Variants in RFTN1 observed in about 807,000 individuals in gnomAD.
RFTN1 encodes the protein raftlin.
A neutral mutation model predicts 46.5 loss-of-function variants in RFTN1; 26 were observed. That is an observed-to-expected ratio of 0.56 (90% CI 0.41 to 0.78). The LOEUF (loss-of-function observed/expected upper bound fraction) is 0.78. Among genes scored for constraint, RFTN1 ranks in the 30% least tolerant of loss-of-function variants. The pLI is 0.00. For synonymous variants in RFTN1, 261 were observed against 284.2 expected (o/e 0.92, Z 0.82); for missense variants, 693 against 718.7 (o/e 0.96, Z 0.41).
Position 16,337,420 on chromosome 3 carries a change from T to G in RFTN1, c.1147-10544A>C, listed in dbSNP as rs572671412. ...CTAAGAACCAAATACCAGGCAAACC[T>G]CTAGGAGGAAAATTGTAATGAAAGT... On this transcript the variant is annotated intron_variant, in intron 7 of 9. Coordinates refer to ENST00000334133, the MANE Select transcript of RFTN1 (RefSeq NM_015150.2). This position sits in a 1 kb window ranked among gnomAD's most constrained non-coding sequence, Gnocchi z 5.0. 1.3e-5 allele frequency: 2 copies of G among 152,064 alleles called. No homozygotes were observed. The highest frequency in any genetic ancestry group is 2.9e-5 in the Non-Finnish European group (2 of 68,022). The allele number at this position is 152,064 out of a possible 1,614,324, so 9.4% of individuals were successfully genotyped here. A position where few individuals can be genotyped will look rare whatever the true frequency, so the allele number is the denominator to read the frequency against.
At chr3:16,493,188 T>A (rs751318773) in intron 2 of RFTN1, among the ~76,000 whole-genome samples, 1 of 152,098 alleles carries the variant, frequency 6.6e-6, no homozygotes, top group Non-Finnish European at 1.5e-5. Flanking sequence ...CCATATGTAT[T>A]GCTTGGCTCA....
At chr3:16,431,012 C>T (rs1003080090) in intron 3 of RFTN1, among the ~76,000 whole-genome samples, 1 of 152,218 alleles carries the variant, frequency 6.6e-6, no homozygotes, top group Non-Finnish European at 1.5e-5. Flanking sequence ...TGAAGACGGG[C>T]TTCCTCACCC....
rs1182337027 is a variant in RFTN1, at chr3:16,433,359, TG to T, written c.332+491del. 2.0e-5 allele frequency among the ~76,000 whole-genome samples: 3 copies of T among 152,124 alleles called. No homozygotes were observed. Among genetic ancestry groups the T allele is most frequent in the Admixed American group, 2.0e-4 (3 of 15,268 alleles). ...CAATTATAGCATTTTATTTAGGTGGTGTTTATTTTTTGTATTTTTTTAACTG... is the reference window on the plus strand; with the variant it reads ...CAATTATAGCATTTTATTTAGGTGGTTTTATTTTTTGTATTTTTTTAACTG... On this transcript the variant is annotated intron_variant, in intron 3 of 9. Coordinates refer to ENST00000334133, the MANE Select transcript of RFTN1 (RefSeq NM_015150.2). The surrounding 1 kb of genome is among the most constrained non-coding windows in gnomAD (Gnocchi z 4.4).
rs1235213592 is a variant in RFTN1, at chr3:16,346,882, C to T, written c.1146+11050G>A. On this transcript the variant is annotated intron_variant, in intron 7 of 9. Transcript: ENST00000334133. This position sits in a 1 kb window ranked among gnomAD's most constrained non-coding sequence, Gnocchi z 4.4. Reference sequence around the variant, plus strand: ...CAGAAAGATGGCAACATCTGGATCCCTGGTGGCATCTTTAAGCTGTTGACA... The same window carrying T: ...CAGAAAGATGGCAACATCTGGATCCTTGGTGGCATCTTTAAGCTGTTGACA... Among the ~76,000 whole-genome samples the T allele has an allele frequency of 6.6e-6, 1 of 152,170 alleles. No homozygotes were observed. The highest frequency in any genetic ancestry group is 1.9e-4 in the East Asian group (1 of 5,204).
chr3:16,497,469 A>G (rs2076644369), intron 1 of RFTN1, among the ~76,000 whole-genome samples: 1 of 152,222 alleles, frequency 6.6e-6, no homozygotes, highest in Non-Finnish European at 1.5e-5. Flanking sequence ...GGCTGGTGGC[A>G]GCTTCTAATG....
At chr3:16,470,022 G>C (rs1477922918) in intron 2 of RFTN1, among the ~76,000 whole-genome samples, 1 of 152,004 alleles carries the variant, frequency 6.6e-6, no homozygotes, top group Non-Finnish European at 1.5e-5. Flanking sequence ...AGTGAAAATT[G>C]AACCTAGATC....
Position 16,433,970 on chromosome 3 carries a change from C to G in RFTN1, c.213G>C (p.Glu71Asp), listed in dbSNP as rs764080100. The change falls in exon 3 of 10, where the codon GAG (glutamate) becomes GAC (aspartate). Residue 71 changes from glutamate to aspartate, a missense_variant. Physicochemically the swap from Glu to Asp is conservative, Grantham distance 45. Transcript: ENST00000334133. The surrounding 1 kb of genome is among the most constrained non-coding windows in gnomAD (Gnocchi z 4.4). ...CCAGCGAGAAGCCCTGCTGGTACAG[C>G]TCCAGGAGCTGGGCGGGCAGGTCAC... ...SLRDLPAQLL[E>D]LYQQGFSLAA... The G allele has an allele frequency of 2.5e-6, 4 of 1,613,824 alleles. No homozygotes were observed. The Middle Eastern group carries it at 5.0e-4, about 201-fold the overall frequency.
intron 3 of RFTN1, among the ~76,000 whole-genome samples, chr3:16,414,627 A>G (rs925271066): frequency 6.6e-6 from 1 of 152,000 alleles, no homozygotes; most frequent in African/African-American, 2.4e-5. Flanking sequence ...AGAAAAGAAA[A>G]GGAAAAAAGA....
At chr3:16,502,060 A>G (rs1409090517) in intron 1 of RFTN1, among the ~76,000 whole-genome samples, 16 of 152,350 alleles carry the variant, frequency 1.1e-4, no homozygotes, top group African/African-American at 3.8e-4. Flanking sequence ...ACTATGGGCT[A>G]CATTTTCAAG....
Position 16,361,782 on chromosome 3 carries a change from G to T in RFTN1, c.1031-3735C>A, listed in dbSNP as rs896270507. 6.6e-6 allele frequency among the ~76,000 whole-genome samples: 1 copy of T among 152,216 alleles called. No individual in the cohort carries two copies. Among genetic ancestry groups the T allele is most frequent in the Non-Finnish European group, 1.5e-5 (1 of 68,038 alleles). On this transcript the variant is annotated intron_variant, in intron 6 of 9. Coordinates refer to ENST00000334133, the MANE Select transcript of RFTN1 (RefSeq NM_015150.2). The surrounding 1 kb of genome is among the most constrained non-coding windows in gnomAD (Gnocchi z 4.3). ...ATGCAAGCAGAGACATAAAAAGCACGTGTGTGGTTGAACTTGGCCTCTTGT... is the reference window on the plus strand; with the variant it reads ...ATGCAAGCAGAGACATAAAAAGCACTTGTGTGGTTGAACTTGGCCTCTTGT...
At position 16,447,490 on chromosome 3, in the gene RFTN1, G is replaced by A. The variant is rs1182548074; in HGVS notation, c.146-13453C>T. Among the ~76,000 whole-genome samples the A allele has an allele frequency of 6.6e-6, 1 of 152,224 alleles. No homozygotes were observed. The highest frequency in any genetic ancestry group is 1.5e-5 in the Non-Finnish European group (1 of 68,034). ...TCTGGTCTATTTTTTGCCTATGTAA[G>A]AGATGGCATTTAGGATGCCTTGGGA... On this transcript the variant is annotated intron_variant, in intron 2 of 9. Coordinates refer to ENST00000334133, the MANE Select transcript of RFTN1 (RefSeq NM_015150.2). The surrounding 1 kb of genome is among the most constrained non-coding windows in gnomAD (Gnocchi z 5.9).
intron 1 of RFTN1, among the ~76,000 whole-genome samples, chr3:16,510,967 T>TA (rs1228924007): frequency 6.6e-6 from 1 of 151,894 alleles, no homozygotes; most frequent in African/African-American, 2.4e-5. Flanking sequence ...AAGTCAGCAA[T>TA]AAAAAAAGAC....
At position 16,361,834 on chromosome 3, in the gene RFTN1, T is replaced by C. The variant is rs1411486708; in HGVS notation, c.1031-3787A>G. ...TCTTGGCCATTACATTGAGAGGGCA[T>C]GCCCCAGTTAGCCAGTTGGTTCTAG... is the stretch of plus-strand genomic sequence containing the variant. On this transcript the variant is annotated intron_variant, in intron 6 of 9. Transcript: ENST00000334133. The surrounding 1 kb of genome is among the most constrained non-coding windows in gnomAD (Gnocchi z 4.3). Among the ~76,000 whole-genome samples, 1 of 152,196 alleles carries C rather than the reference T, an allele frequency of 6.6e-6. No homozygotes were observed. The highest frequency in any genetic ancestry group is 1.9e-4 in the East Asian group (1 of 5,194).
chr3:16,324,910 A>G (rs966152931), intron 8 of RFTN1, among the ~76,000 whole-genome samples: 4 of 152,068 alleles, frequency 2.6e-5, no homozygotes, highest in South Asian at 2.1e-4. Flanking sequence ...ACTATTTTCC[A>G]TAATGGCTAT....
At chr3:16,340,743 C>T (rs967112579) in intron 7 of RFTN1, among the ~76,000 whole-genome samples, 1 of 152,184 alleles carries the variant, frequency 6.6e-6, no homozygotes, top group Admixed American at 6.5e-5. Context: ...TACCCCTCAC[C>T]TTCTTGTCCA....
At chr3:16,417,349 A>G (rs2125461443) in intron 3 of RFTN1, among the ~76,000 whole-genome samples, 2 of 152,232 alleles carry the variant, frequency 1.3e-5, no homozygotes, top group East Asian at 3.9e-4. Flanking sequence ...TTAACACCTT[A>G]TATCTAGAAC....
intron 4 of RFTN1, 74 bp from the exon 5 acceptor site, chr3:16,378,176 G>T: frequency 1.5e-6 from 2 of 1,327,368 alleles, no homozygotes; most frequent in African/African-American, 1.4e-5. Context: ...AGCGTGCAAA[G>T]CGCCTCCCCG....
At position 16,336,924 on chromosome 3, in the gene RFTN1, C is replaced by T. The variant is rs1483098509; in HGVS notation, c.1147-10048G>A. On this transcript the variant is annotated intron_variant, in intron 7 of 9. Coordinates refer to ENST00000334133, the MANE Select transcript of RFTN1 (RefSeq NM_015150.2). The surrounding 1 kb of genome is among the most constrained non-coding windows in gnomAD (Gnocchi z 6.0). ...AAGAATGGTGTCTATTATGACTTCC[C>T]TGTGTCCAGGCCACTTTCCAACACA... Among the ~76,000 whole-genome samples the T allele has an allele frequency of 2.0e-5, 3 of 152,176 alleles. No homozygotes were observed. Among genetic ancestry groups the T allele is most frequent in the Non-Finnish European group, 4.4e-5 (3 of 68,026 alleles).
At position 16,450,868 on chromosome 3, in the gene RFTN1, T is replaced by C. The variant is rs944054899; in HGVS notation, c.146-16831A>G. 6.6e-6 allele frequency among the ~76,000 whole-genome samples: 1 copy of C among 152,122 alleles called. No individual in the cohort carries two copies. The highest frequency in any genetic ancestry group is 6.6e-5 in the Admixed American group (1 of 15,260). On this transcript the variant is annotated intron_variant, in intron 2 of 9. Transcript: ENST00000334133. The surrounding 1 kb of genome is among the most constrained non-coding windows in gnomAD (Gnocchi z 4.6). ...ATGGCAAAGACAGCTCCTAGGTCTC[T>C]GGTTTGCATGGACCTGAACAGATAG...
Sources: allele counts gnomAD v4.1 joint callset (sites outside exome capture counted in the v4.1 genomes callset), GRCh38; gene constraint gnomAD v4.1.1; non-coding constraint Gnocchi (gnomAD v3.1); transcripts MANE v1.5; gene names NCBI Gene and HGNC (gene_info 2026-07-23, HGNC 2026-07-21).